PRMT3: variants seen among roughly 807,000 people sequenced by gnomAD.
The protein encoded by PRMT3 is protein arginine methyltransferase 3.
A neutral mutation model predicts 71.9 loss-of-function variants in PRMT3; 62 were observed. The observed-to-expected ratio is 0.86, with a 90% CI of 0.70 to 1.07. The LOEUF is 1.07. PRMT3 is among the 50% of genes least tolerant of loss of function. PRMT3 has a pLI of 0.00. For missense variants in PRMT3, 663 were observed against 643.0 expected, an observed-to-expected ratio of 1.03 and a Z score of -0.34; for synonymous variants, 213 against 220.4, an observed-to-expected ratio of 0.97 and a Z score of 0.30.
chr11:20,404,511 C>T (rs952073063), intron 8 of PRMT3, among the ~76,000 whole-genome samples: 16 of 151,928 alleles, frequency 1.1e-4, no homozygotes, highest in Admixed American at 2.6e-4. Context: ...GGATTACAGA[C>T]GTGAGCCACC....
chr11:20,391,663 CAA>C (rs59952548), intron 3 of PRMT3, among the ~76,000 whole-genome samples: 1,551 of 152,010 alleles, frequency 0.01, 34 homozygotes, highest in African/African-American at 0.036. Flanking sequence ...TTTCTCATAA[CAA>C]GAGTTTTATG....
Position 20,392,398 on chromosome 11 carries a change from A to G in PRMT3, c.297+138A>G. On this transcript the variant is annotated intron_variant, in intron 4 of 15. Transcript: ENST00000331079. ...TCATCATATTGGGGGAATCACGGAC[A>G]TTAGGAGGTAGCACAGCAGAAAGCA... 1.0e-5 allele frequency: 9 copies of G among 868,086 alleles called. No individual in the cohort carries two copies. The South Asian group carries it at 1.2e-4, about 11-fold the overall frequency. The allele number at this position is 868,086 out of a possible 1,614,324, so 53.8% of individuals were successfully genotyped here. A position where few individuals can be genotyped will look rare whatever the true frequency, so the allele number is the denominator to read the frequency against.
At chr11:20,450,645 G>A (rs1320595898) in intron 10 of PRMT3, among the ~76,000 whole-genome samples, 1 of 152,150 alleles carries the variant, frequency 6.6e-6, no homozygotes, top group Non-Finnish European at 1.5e-5. Context: ...CAATGAATCA[G>A]TGAGCTGGGG....
chr11:20,504,503 A>G (rs1247826463), intron 15 of PRMT3, among the ~76,000 whole-genome samples: 1 of 152,162 alleles, frequency 6.6e-6, no homozygotes, highest in African/African-American at 2.4e-5. Context: ...TGGCCTAAGA[A>G]AGCCTGTTAG....
chr11:20,406,420 A>G (rs939000838), intron 8 of PRMT3: 2 of 152,204 alleles, frequency 1.3e-5, no homozygotes, highest in African/African-American at 4.8e-5. Context: ...TAACCGGCTT[A>G]TTGCACTTAG....
At chr11:20,462,776 C>T (rs10766675) in intron 12 of PRMT3, among the ~76,000 whole-genome samples, 148,067 of 152,206 alleles carry the variant, frequency 0.97, 72,343 homozygotes, top group Middle Eastern at 1. Flanking sequence ...CAGCAAAAAA[C>T]AATACTGCTT....
At chr11:20,464,401 G>GTTTT in intron 12 of PRMT3, 59 bp from the exon 13 acceptor site, 4 of 1,154,058 alleles carry the variant, frequency 3.5e-6, no homozygotes, top group African/African-American at 1.7e-5. Flanking sequence ...TTTATTTTTT[G>GTTTT]TTTTTTTTTT....
chr11:20,494,903 C>T (rs1851298029), intron 15 of PRMT3, among the ~76,000 whole-genome samples: 2 of 152,102 alleles, frequency 1.3e-5, no homozygotes, highest in Middle Eastern at 6.8e-3. Flanking sequence ...GAAATATTAC[C>T]AATAAAATAA....
At chr11:20,412,875 T>G (rs1009700668) in intron 9 of PRMT3, among the ~76,000 whole-genome samples, 3 of 152,110 alleles carry the variant, frequency 2.0e-5, no homozygotes, top group African/African-American at 7.2e-5. Flanking sequence ...CACTTGAGAC[T>G]AGGAGTTGGA....
intron 10 of PRMT3, among the ~76,000 whole-genome samples, chr11:20,450,596 G>C (rs1367695457): frequency 6.6e-6 from 1 of 152,060 alleles, no homozygotes; most frequent in Non-Finnish European, 1.5e-5. Flanking sequence ...AACAAGCTTT[G>C]TTCCTAAGCC....
intron 8 of PRMT3, among the ~76,000 whole-genome samples, chr11:20,403,531 A>C (rs1848995854): frequency 6.6e-6 from 1 of 152,006 alleles, no homozygotes; most frequent in African/African-American, 2.4e-5. Flanking sequence ...AAATGATCTT[A>C]TACCCTGTGT....
chr11:20,461,477 G>A (rs1488771100), intron 11 of PRMT3, among the ~76,000 whole-genome samples: 1 of 152,174 alleles, frequency 6.6e-6, no homozygotes, highest in African/African-American at 2.4e-5. Flanking sequence ...ACTGGCACAT[G>A]TGTCTGGCAC....
rs543404341 is a variant in PRMT3 at position 20,415,915 on chromosome 11, A to G, written c.893+7883A>G. Among the ~76,000 whole-genome samples, 32 of 152,312 alleles carry G rather than the reference A, an allele frequency of 2.1e-4. No individual in the cohort carries two copies. The South Asian group carries it at 6.6e-3, about 32-fold the overall frequency. On this transcript the variant is annotated intron_variant, in intron 9 of 15. Transcript: ENST00000331079. ...GATCTAAGCAAGAACTGAGTAAAAC[A>G]AAACAGACCTGCTGCATTCACTCAT...
chr11:20,403,285 TAC>T (rs936154707), intron 8 of PRMT3, among the ~76,000 whole-genome samples: 7 of 152,336 alleles, frequency 4.6e-5, no homozygotes, highest in Admixed American at 2.6e-4. Flanking sequence ...ATTTTTTGTT[TAC>T]AGTTATTCCC....
chr11:20,458,109 TC>T (rs1190484514), intron 11 of PRMT3, among the ~76,000 whole-genome samples: 1 of 152,194 alleles, frequency 6.6e-6, no homozygotes, highest in African/African-American at 2.4e-5. Flanking sequence ...TAGTACATTT[TC>T]TTTTATGCAT....
At chr11:20,482,135 C>T (rs560651359) in intron 13 of PRMT3, among the ~76,000 whole-genome samples, 18 of 152,122 alleles carry the variant, frequency 1.2e-4, no homozygotes, top group South Asian at 1.0e-3. Context: ...AATAGAGATT[C>T]GTGTGCTTGA....
intron 9 of PRMT3, among the ~76,000 whole-genome samples, chr11:20,423,159 T>C (rs539766207): frequency 1.3e-5 from 2 of 152,352 alleles, no homozygotes; most frequent in East Asian, 3.9e-4. Flanking sequence ...CACCCACATA[T>C]GTCCATTCAC....
rs553957625 is a variant in PRMT3, at chr11:20,468,900, A to C, written c.1347+4354A>C. Among the ~76,000 whole-genome samples, 6 of 152,322 alleles carry C rather than the reference A, an allele frequency of 3.9e-5. 1 individual carries two copies. The South Asian group carries it at 1.2e-3, about 32-fold the overall frequency. On this transcript the variant is annotated intron_variant, in intron 13 of 15. Coordinates refer to ENST00000331079, the MANE Select transcript of PRMT3 (RefSeq NM_005788.4). ...TCCACCACCAAATACACACATCCCC[A>C]TATGCCACAGACGAAGCTTCATGGC...
At chr11:20,422,570 A>G (rs1209188000) in intron 9 of PRMT3, among the ~76,000 whole-genome samples, 1 of 152,158 alleles carries the variant, frequency 6.6e-6, no homozygotes, top group African/African-American at 2.4e-5. Context: ...ATTCCCTATC[A>G]GTCCACTAGC....
Sources: gnomAD v4.1 joint callset for allele counts (sites outside exome capture counted in the v4.1 genomes callset) on GRCh38, gnomAD v4.1.1 for gene constraint, MANE v1.5 for transcripts, NCBI Gene and HGNC (gene_info 2026-07-23, HGNC 2026-07-21) for gene names.